Variants in RYR1 observed in about 807,000 individuals in gnomAD.
RYR1 encodes the protein central core disease of muscle.
Under a neutral mutation model 583.5 loss-of-function variants are expected in RYR1, and 342 were observed. The ratio of observed to expected loss-of-function variants is 0.59; its 90% CI spans 0.54 to 0.64. RYR1 has a LOEUF of 0.64. Among genes scored for constraint, RYR1 ranks in the 30% least tolerant of loss-of-function variants. The pLI is 0.00. For missense variants in RYR1, 6,032 were observed against 6,917.2 expected (o/e 0.87, Z 4.54); for synonymous variants, 2,791 against 2,822.5 (o/e 0.99, Z 0.35).
chr19:38,438,050 C>T (rs931716514), intron 1 of RYR1, among the ~76,000 whole-genome samples: 2 of 151,722 alleles, frequency 1.3e-5, no homozygotes, highest in Admixed American at 6.6e-5. Context: ...ACCTCATCTC[C>T]TCCCTGTTTG....
Position 38,499,846 on chromosome 19 carries a change from A to G in RYR1, c.7214+25A>G, listed in dbSNP as rs1490926514. On this transcript the variant is annotated intron_variant, in intron 44 of 105. Coordinates refer to ENST00000359596, the MANE Select transcript of RYR1 (RefSeq NM_000540.3). This position sits in a 1 kb window ranked among gnomAD's most constrained non-coding sequence, Gnocchi z 7.3. ...AGTGAGTCTCCCGGCCCCCTCCTCA[A>G]TAGGGCAACCCGCCCTCCCTGGCCC... is the stretch of plus-strand genomic sequence containing the variant. The G allele has an allele frequency of 1.2e-6, 2 of 1,611,142 alleles. No homozygotes were observed. The highest frequency in any genetic ancestry group is 1.7e-6 in the Non-Finnish European group (2 of 1,179,646).
intron 90 of RYR1, among the ~76,000 whole-genome samples, chr19:38,562,544 G>T (rs1348253053): frequency 1.3e-5 from 2 of 152,080 alleles, no homozygotes; most frequent in Admixed American, 6.6e-5. Context: ...TCATGAGTGG[G>T]CCCTTCATAT....
At chr19:38,569,072 A>G (rs901757107) in intron 93 of RYR1, among the ~76,000 whole-genome samples, 3 of 151,670 alleles carry the variant, frequency 2.0e-5, no homozygotes, top group Non-Finnish European at 4.4e-5. Context: ...GTGCAGTGGC[A>G]CAATCTCGGC....
chr19:38,447,915 T>G (rs1600654158), intron 9 of RYR1, among the ~76,000 whole-genome samples: 1 of 140,154 alleles, frequency 7.1e-6, no homozygotes, highest in Non-Finnish European at 1.5e-5. Flanking sequence ...GAAAAGGAGG[T>G]TTGGGGGGTT....
chr19:38,507,431 C>T (rs150011718), intron 57 of RYR1, among the ~76,000 whole-genome samples: 9 of 147,646 alleles, frequency 6.1e-5, no homozygotes, highest in African/African-American at 2.3e-4. Context: ...GAGGCGGGAC[C>T]AAAGAGGAGA....
rs777274413 is a variant in RYR1, at chr19:38,467,829, G to T, written c.3381+17G>T. ...GGGCACCGCGTGGGTACCTCCCTGG[G>T]CACCATTCTGCCAGGTCCTGTGGTC... On this transcript the variant is annotated intron_variant, in intron 25 of 105. Transcript: ENST00000359596. 21 of 1,611,742 alleles carry T rather than the reference G, an allele frequency of 1.3e-5. No individual in the cohort carries two copies. Among genetic ancestry groups the T allele is most frequent in the Non-Finnish European group, 1.6e-5 (19 of 1,179,080 alleles).
At chr19:38,458,516 G>A (rs1207097737) in intron 18 of RYR1, among the ~76,000 whole-genome samples, 2 of 152,194 alleles carry the variant, frequency 1.3e-5, no homozygotes, top group Non-Finnish European at 2.9e-5. Context: ...GAGTAGGTGT[G>A]ACCTCTGACC....
At chr19:38,446,668 G>T in intron 8 of RYR1, 26 bp from the exon 9 acceptor site, 1 of 1,611,794 alleles carries the variant, frequency 6.2e-7, no homozygotes, top group South Asian at 1.1e-5. Context: ...CTGAACCCTT[G>T]ACTTCACTCT....
chr19:38,446,878 CGAG>C, intron 9 of RYR1, 110 bp downstream of exon 9: 1 of 853,158 alleles, frequency 1.2e-6, no homozygotes, highest in Non-Finnish European at 1.8e-6. Flanking sequence ...TGAAGGGTCT[CGAG>C]GGAAAATCAG....
chr19:38,541,220 TA>T (rs1453595428), intron 84 of RYR1, among the ~76,000 whole-genome samples: 1 of 152,226 alleles, frequency 6.6e-6, no homozygotes. Flanking sequence ...CTGGGGTTTT[TA>T]AAAGCCTCCT....
rs568222867 is a variant in RYR1 at position 38,517,897 on chromosome 19, G to C, written c.10018+206G>C. Among the ~76,000 whole-genome samples, 43 of 152,310 alleles carry C rather than the reference G, an allele frequency of 2.8e-4. No homozygotes were observed. In the South Asian group the frequency reaches 3.1e-3, roughly 11 times the overall value. ...ACTTTGGGAGGATCAGTTGAGGCCA[G>C]CCATTTGCGACCAGCCTAGGTAACA... On this transcript the variant is annotated intron_variant, in intron 66 of 105. Coordinates refer to ENST00000359596, the MANE Select transcript of RYR1 (RefSeq NM_000540.3).
rs770472287 is a variant in RYR1 at position 38,463,899 on chromosome 19, G to T, written c.2786+49G>T. Reference sequence around the variant, plus strand: ...GTTGGGGCTGGCTGCTGGTGCGGTGGGGGAGGGAGGCATGGAGAGACAGGG... The same window carrying T: ...GTTGGGGCTGGCTGCTGGTGCGGTGTGGGAGGGAGGCATGGAGAGACAGGG... On this transcript the variant is annotated intron_variant, in intron 22 of 105. Coordinates refer to ENST00000359596, the MANE Select transcript of RYR1 (RefSeq NM_000540.3). The T allele has an allele frequency of 7.3e-6, 10 of 1,366,996 alleles. No homozygotes were observed. In the Admixed American group the frequency reaches 1.5e-4, roughly 21 times the overall value. 84.7% of individuals were successfully genotyped at this position (1,366,996 alleles called of 1,614,324 possible).
chr19:38,508,569 T>A (rs1970585919), intron 58 of RYR1, among the ~76,000 whole-genome samples: 4 of 152,180 alleles, frequency 2.6e-5, no homozygotes, highest in Admixed American at 2.6e-4. Flanking sequence ...ATGTGATATC[T>A]GAGGCAAGCC....
chr19:38,472,541 G>T (rs1005748130), intron 27 of RYR1, among the ~76,000 whole-genome samples: 1 of 152,064 alleles, frequency 6.6e-6, no homozygotes, highest in Non-Finnish European at 1.5e-5. Flanking sequence ...ATTCCCATCC[G>T]AAGCAACCAC....
intron 61 of RYR1, 96 bp downstream of exon 61, chr19:38,511,706 T>G: frequency 1.4e-6 from 2 of 1,429,646 alleles, no homozygotes; most frequent in Non-Finnish European, 2.0e-6. Flanking sequence ...TGAACAACCT[T>G]TGTTGTTTTC....
At chr19:38,523,160 C>T (rs1421664630) in intron 68 of RYR1, 45 bp downstream of exon 68, 28 of 1,613,970 alleles carry the variant, frequency 1.7e-5, no homozygotes, top group Non-Finnish European at 2.2e-5. Context: ...AGAGGAGCCG[C>T]AGCCCACAGG....
chr19:38,476,747 C>T (rs1205065875), intron 29 of RYR1, among the ~76,000 whole-genome samples: 1 of 152,178 alleles, frequency 6.6e-6, no homozygotes, highest in Admixed American at 6.5e-5. Context: ...CTGGGTGCCA[C>T]TTGGGCAAAA....
At chr19:38,528,147 G>C (rs1255435574) in intron 73 of RYR1, 159 bp from the exon 74 acceptor site, 2 of 713,906 alleles carry the variant, frequency 2.8e-6, no homozygotes, top group Non-Finnish European at 5.0e-6. Flanking sequence ...TGGAGGCGGA[G>C]TCAGGACCCT....
At position 38,517,356 on chromosome 19, in the gene RYR1, C is replaced by A. The variant is rs1248966971; in HGVS notation, c.9686-3C>A. 2 of 1,612,998 alleles carry A rather than the reference C, an allele frequency of 1.2e-6. No homozygotes were observed. Among genetic ancestry groups the A allele is most frequent in the South Asian group, 2.2e-5 (2 of 91,054 alleles). ...ATTCCCTGCCCCCGTCCCTGTACCC[C>A]AGTCCTGGGGCTCCCCAACAGTGTG... On this transcript the variant is annotated splice_polypyrimidine_tract_variant and splice_region_variant and intron_variant, in intron 65 of 105. Coordinates refer to ENST00000359596, the MANE Select transcript of RYR1 (RefSeq NM_000540.3).
Sources: allele counts gnomAD v4.1 joint callset (sites outside exome capture counted in the v4.1 genomes callset), GRCh38; gene constraint gnomAD v4.1.1; non-coding constraint Gnocchi (gnomAD v3.1); transcripts MANE v1.5; gene names NCBI Gene and HGNC (gene_info 2026-07-23, HGNC 2026-07-21).